The following PDE4D variants were observed in gnomAD, a reference collection of about 807,000 sequenced individuals.
PDE4D encodes 3',5'-cyclic-AMP phosphodiesterase 4D.
Under a neutral mutation model 87.4 loss-of-function variants are expected in PDE4D, and 24 were observed. That is an observed-to-expected ratio of 0.27 (90% confidence interval 0.20 to 0.39). The LOEUF (loss-of-function observed/expected upper bound fraction) is 0.39. Ranked by LOEUF, PDE4D falls within the 10% of genes least tolerant of loss-of-function variation. The probability of loss-of-function intolerance (pLI) is 1.00; values close to 1 mark genes in which losing one functional copy is unlikely to be tolerated. For synonymous variants in PDE4D, 384 were observed against 383.2 expected, an observed-to-expected ratio of 1.00 and a Z score of -0.02; for missense variants, 714 against 1,041.0, an observed-to-expected ratio of 0.69 and a Z score of 4.32.
At chr5:60,271,046 T>G (rs944695551) in intron 1 of PDE4D, among the ~76,000 whole-genome samples, 1 of 152,160 alleles carries the variant, frequency 6.6e-6, no homozygotes, top group Non-Finnish European at 1.5e-5. Flanking sequence ...AGTACGAGGT[T>G]ACTATTATTT....
chr5:60,000,680 ATT>A (rs1323773449), intron 2 of PDE4D, among the ~76,000 whole-genome samples: 1 of 152,216 alleles, frequency 6.6e-6, no homozygotes, highest in East Asian at 1.9e-4. Flanking sequence ...TGCATAAATT[ATT>A]TTTAACTCTG....
chr5:60,364,165 T>C (rs1049871347), intron 1 of PDE4D, among the ~76,000 whole-genome samples: 8 of 152,204 alleles, frequency 5.3e-5, no homozygotes, highest in East Asian at 1.9e-4. Flanking sequence ...AAACAGAGAA[T>C]ACCTGAGTTC....
chr5:59,118,004 A>C (rs369080497), intron 5 of PDE4D, among the ~76,000 whole-genome samples: 12 of 152,188 alleles, frequency 7.9e-5, no homozygotes, highest in East Asian at 3.8e-4. Flanking sequence ...TCAAGGAGTT[A>C]AATTCCAACA....
intron 3 of PDE4D, among the ~76,000 whole-genome samples, chr5:59,925,470 A>T (rs1373848819): frequency 1.3e-5 from 2 of 152,162 alleles, no homozygotes; most frequent in East Asian, 3.8e-4. Context: ...AAAGAAGAAA[A>T]CAAAGCAACC....
intron 1 of PDE4D, among the ~76,000 whole-genome samples, chr5:60,249,187 C>A (rs1748146813): frequency 6.6e-6 from 1 of 151,986 alleles, no homozygotes; most frequent in Non-Finnish European, 1.5e-5. Flanking sequence ...AAGGGAGGTA[C>A]AATGCTTTAG....
chr5:59,441,446 A>G (rs1797601756), intron 1 of PDE4D, among the ~76,000 whole-genome samples: 1 of 152,102 alleles, frequency 6.6e-6, no homozygotes, highest in Non-Finnish European at 1.5e-5. Context: ...AGGAGTTTTT[A>G]TTCTCTCCCT....
intron 1 of PDE4D, among the ~76,000 whole-genome samples, chr5:59,633,245 G>A (rs1265151752): frequency 6.6e-6 from 1 of 152,122 alleles, no homozygotes; most frequent in Non-Finnish European, 1.5e-5. Context: ...TATGTAAAAA[G>A]CCAAACCTAC....
intron 1 of PDE4D, chr5:60,430,357 T>C: frequency 7.1e-6 from 3 of 419,758 alleles, no homozygotes; most frequent in South Asian, 5.6e-5. Flanking sequence ...CATCTTCCAC[T>C]ACTTCCCCTC....
chr5:59,704,163 C>G (rs1170651362), intron 1 of PDE4D, among the ~76,000 whole-genome samples: 1 of 152,108 alleles, frequency 6.6e-6, no homozygotes, highest in Non-Finnish European at 1.5e-5. Context: ...TTTGGGAATT[C>G]ACCTTTATTT....
chr5:59,210,697 T>G (rs1472027762), intron 2 of PDE4D, among the ~76,000 whole-genome samples: 1 of 152,150 alleles, frequency 6.6e-6, no homozygotes, highest in African/African-American at 2.4e-5. Flanking sequence ...CACCCCATAT[T>G]CTGTGTGTAG....
At chr5:59,737,545 G>T (rs1561566444) in intron 1 of PDE4D, among the ~76,000 whole-genome samples, 1 of 151,966 alleles carries the variant, frequency 6.6e-6, no homozygotes, top group Non-Finnish European at 1.5e-5. Context: ...ACGGTATTGT[G>T]AAAAACAACT....
At chr5:59,161,134 A>G (rs1327974271) in intron 5 of PDE4D, among the ~76,000 whole-genome samples, 2 of 145,856 alleles carry the variant, frequency 1.4e-5, no homozygotes, top group East Asian at 4.0e-4. Context: ...TTTCATATTC[A>G]TTGTGTTAGC....
chr5:59,524,667 G>A (rs1336071350), intron 1 of PDE4D, among the ~76,000 whole-genome samples: 4 of 152,194 alleles, frequency 2.6e-5, no homozygotes, highest in South Asian at 4.1e-4. Flanking sequence ...CCTGTTAGAC[G>A]ACTTCACAGC....
chr5:59,561,717 GT>G (rs2153691899), intron 1 of PDE4D, among the ~76,000 whole-genome samples: 1 of 151,874 alleles, frequency 6.6e-6, no homozygotes, highest in African/African-American at 2.4e-5. Context: ...ATCACCTGTG[GT>G]CAGGAGTTTG....
chr5:59,722,155 T>G (rs927278380), intron 1 of PDE4D, among the ~76,000 whole-genome samples: 6 of 152,224 alleles, frequency 3.9e-5, no homozygotes, highest in Non-Finnish European at 8.8e-5. Context: ...ATCACAAGCA[T>G]TTCTGTTCAA....
chr5:59,477,146 A>C (rs578097888), intron 1 of PDE4D, among the ~76,000 whole-genome samples: 2 of 151,946 alleles, frequency 1.3e-5, no homozygotes, highest in South Asian at 4.1e-4. Flanking sequence ...TAAAATGAGA[A>C]TATTAGAAAA....
chr5:59,094,544 G>T (rs1047587040), intron 5 of PDE4D, among the ~76,000 whole-genome samples: 1 of 151,950 alleles, frequency 6.6e-6, no homozygotes, highest in Non-Finnish European at 1.5e-5. Context: ...GGTCTATTGC[G>T]TGCCCAGGGC....
At chr5:60,104,730 G>T (rs11747070) in intron 2 of PDE4D, among the ~76,000 whole-genome samples, 1 of 152,034 alleles carries the variant, frequency 6.6e-6, no homozygotes, top group Non-Finnish European at 1.5e-5. Context: ...TGCAGACACC[G>T]CTACTGATAC....
At chr5:59,521,025 T>C (rs1384747831) in intron 1 of PDE4D, among the ~76,000 whole-genome samples, 1 of 151,946 alleles carries the variant, frequency 6.6e-6, no homozygotes, top group Non-Finnish European at 1.5e-5. Context: ...TTTATACTCC[T>C]AGGATGAAGA....
Sources: allele counts gnomAD v4.1 joint callset (sites outside exome capture counted in the v4.1 genomes callset), GRCh38; gene constraint gnomAD v4.1.1; transcripts MANE v1.5; gene names NCBI Gene and HGNC (gene_info 2026-07-23, HGNC 2026-07-21).